ADAMTSL1: variants seen among roughly 807,000 people sequenced by gnomAD.
The protein encoded by ADAMTSL1 is ADAMTS like 1.
A neutral mutation model predicts 201.8 loss-of-function variants in ADAMTSL1; 126 were observed. The ratio of observed to expected loss-of-function variants is 0.62; its 90% CI spans 0.54 to 0.72. The LOEUF (loss-of-function observed/expected upper bound fraction) is 0.72. Ranked by LOEUF, ADAMTSL1 falls within the 30% of genes least tolerant of loss-of-function variation. The pLI is 0.00. For synonymous variants in ADAMTSL1, 1,121 were observed against 903.4 expected, an observed-to-expected ratio of 1.24 and a Z score of -4.32; for missense variants, 2,679 against 2,277.8, an observed-to-expected ratio of 1.18 and a Z score of -3.59.
rs1446820896 is a variant in ADAMTSL1 at position 18,085,349 on chromosome 9, A to AAT, written c.88-78511_88-78510dup. On this transcript the variant is annotated intron_variant, in intron 1 of 29. Coordinates refer to the ADAMTSL1 transcript ENST00000680146. Reference sequence around the variant, plus strand: ...CTGTTGCCTCCTCTTTGAAGAAAGTAATAGTATCTTCTTCATAGACATCAT... The same window carrying AAT: ...CTGTTGCCTCCTCTTTGAAGAAAGTAATATAGTATCTTCTTCATAGACATCAT... Among the ~76,000 whole-genome samples the AAT allele has an allele frequency of 2.6e-4, 39 of 152,118 alleles. 1 individual carries two copies.
intron 5 of ADAMTSL1, among the ~76,000 whole-genome samples, chr9:18,631,702 T>C (rs1392010222): frequency 6.6e-6 from 1 of 152,184 alleles, no homozygotes; most frequent in East Asian, 1.9e-4. Context: ...TTAAAATGAA[T>C]ATAAAATATT....
chr9:18,753,268 G>A (rs1212864084), intron 15 of ADAMTSL1, 30 bp from the exon 16 acceptor site: 4 of 1,586,034 alleles, frequency 2.5e-6, no homozygotes, highest in African/African-American at 1.3e-5. Flanking sequence ...TACTAAGGGT[G>A]TGTCCTCTTC....
intron 2 of ADAMTSL1, among the ~76,000 whole-genome samples, chr9:18,174,068 C>T (rs976247515): frequency 3.3e-5 from 5 of 152,200 alleles, no homozygotes; most frequent in Non-Finnish European, 7.4e-5. Flanking sequence ...TGCTTAACTT[C>T]GGAACTGTCT....
chr9:18,189,763 A>C (rs1828894005), intron 2 of ADAMTSL1, among the ~76,000 whole-genome samples: 1 of 152,082 alleles, frequency 6.6e-6, no homozygotes, highest in South Asian at 2.1e-4. Context: ...GTGTTTGGCA[A>C]GATATGTTTT....
chr9:18,761,441 G>A (rs1156972684), intron 16 of ADAMTSL1, among the ~76,000 whole-genome samples: 3 of 152,032 alleles, frequency 2.0e-5, no homozygotes, highest in East Asian at 1.9e-4. Flanking sequence ...ATCATGAAAC[G>A]TGTATGGCAG....
chr9:18,535,678 G>A (rs141856635), intron 3 of ADAMTSL1, among the ~76,000 whole-genome samples: 429 of 152,300 alleles, frequency 2.8e-3, no homozygotes, highest in African/African-American at 1.0e-2. Flanking sequence ...CAGCTCTTCA[G>A]GGGTGGGGAT....
At chr9:18,066,294 C>T (rs955930564) in intron 1 of ADAMTSL1, among the ~76,000 whole-genome samples, 1 of 152,050 alleles carries the variant, frequency 6.6e-6, no homozygotes, top group African/African-American at 2.4e-5. Flanking sequence ...TAATAAATTG[C>T]TCATATTTCT....
intron 1 of ADAMTSL1, among the ~76,000 whole-genome samples, chr9:18,093,089 T>C (rs2131820543): frequency 6.6e-6 from 1 of 152,320 alleles, no homozygotes; most frequent in African/African-American, 2.4e-5. Flanking sequence ...TTAATGGTCA[T>C]TCATAGTGGA....
chr9:17,973,801 G>A (rs1482045967), intron 1 of ADAMTSL1, among the ~76,000 whole-genome samples: 1 of 149,198 alleles, frequency 6.7e-6, no homozygotes, highest in Non-Finnish European at 1.5e-5. Flanking sequence ...CAATGAGCAT[G>A]GAATGTTCTT....
intron 1 of ADAMTSL1, among the ~76,000 whole-genome samples, chr9:18,137,000 A>G (rs10810909): frequency 0.41 from 62,466 of 151,988 alleles, 13,683 homozygotes; most frequent in East Asian, 0.49. Context: ...TCTGAGTATC[A>G]TGGGAAGGGA....
At chr9:18,281,125 C>T (rs943792929) in intron 2 of ADAMTSL1, among the ~76,000 whole-genome samples, 1 of 152,064 alleles carries the variant, frequency 6.6e-6, no homozygotes. Flanking sequence ...ACACACAATA[C>T]CTTTAAGGGT....
chr9:18,676,384 T>C (rs1830132736), intron 10 of ADAMTSL1, among the ~76,000 whole-genome samples: 1 of 152,136 alleles, frequency 6.6e-6, no homozygotes, highest in Non-Finnish European at 1.5e-5. Flanking sequence ...AGATAAATTA[T>C]AATTAAGTAT....
intron 2 of ADAMTSL1, among the ~76,000 whole-genome samples, chr9:18,391,686 A>T (rs1838051409): frequency 6.6e-6 from 1 of 152,148 alleles, no homozygotes; most frequent in African/African-American, 2.4e-5. Context: ...TTTGTCCTGA[A>T]AACCAATTTT....
intron 15 of ADAMTSL1, among the ~76,000 whole-genome samples, chr9:18,744,874 C>T (rs1191056489): frequency 1.3e-5 from 2 of 152,170 alleles, no homozygotes; most frequent in Non-Finnish European, 2.9e-5. Context: ...CTTTGTAAAA[C>T]GTCTCTCCAT....
At chr9:18,179,671 G>C (rs560303526) in intron 2 of ADAMTSL1, among the ~76,000 whole-genome samples, 78 of 152,236 alleles carry the variant, frequency 5.1e-4, no homozygotes, top group Non-Finnish European at 5.6e-4. Flanking sequence ...ACTAACAGCG[G>C]ATCTCTCGGC....
At chr9:18,735,748 CTTT>C (rs71333066) in intron 15 of ADAMTSL1, among the ~76,000 whole-genome samples, 10 of 106,676 alleles carry the variant, frequency 9.4e-5, no homozygotes, top group Non-Finnish European at 1.2e-4. Context: ...ATTCTTTTTT[CTTT>C]TTTTTTTTTT....
intron 4 of ADAMTSL1, among the ~76,000 whole-genome samples, chr9:18,593,707 G>T (rs1305829015): frequency 2.0e-5 from 3 of 151,814 alleles, no homozygotes; most frequent in Non-Finnish European, 4.4e-5. Flanking sequence ...CCATGTGTTT[G>T]TATAGTTTCC....
intron 4 of ADAMTSL1, among the ~76,000 whole-genome samples, chr9:18,606,745 A>G (rs1235673375): frequency 6.6e-6 from 1 of 152,178 alleles, no homozygotes; most frequent in Non-Finnish European, 1.5e-5. Flanking sequence ...ACCGTACTTC[A>G]TAAACACCAC....
chr9:18,851,610 T>C (rs1193912542), intron 23 of ADAMTSL1, among the ~76,000 whole-genome samples: 1 of 152,200 alleles, frequency 6.6e-6, no homozygotes, highest in East Asian at 1.9e-4. Flanking sequence ...CCAAGTGCTC[T>C]GTTCAGGGTT....
Sources: gnomAD v4.1 joint callset for allele counts (sites outside exome capture counted in the v4.1 genomes callset) on GRCh38, gnomAD v4.1.1 for gene constraint, MANE v1.5 for transcripts, NCBI Gene and HGNC (gene_info 2026-07-23, HGNC 2026-07-21) for gene names.